PPP2R1A: variants seen among roughly 807,000 people sequenced by gnomAD.
PPP2R1A encodes protein phosphatase 2 scaffold subunit Aalpha.
PPP2R1A carries 15 observed loss-of-function variants against 67.1 expected under a neutral mutation model. The observed-to-expected ratio is 0.22, with a 90% CI of 0.15 to 0.34. The LOEUF is 0.34. Among genes scored for constraint, PPP2R1A ranks in the 10% least tolerant of loss-of-function variants. The pLI, the probability that PPP2R1A is intolerant of heterozygous loss-of-function variation, is 1.00. For missense variants in PPP2R1A, 369 were observed against 775.0 expected (o/e 0.48, Z 6.22); for synonymous variants, 337 against 325.0 (o/e 1.04, Z -0.40).
At chr19:52,223,166 G>C (rs1315056906) in intron 13 of PPP2R1A, among the ~76,000 whole-genome samples, 1 of 152,174 alleles carries the variant, frequency 6.6e-6, no homozygotes, top group Non-Finnish European at 1.5e-5. Flanking sequence ...GTTCAGTGGA[G>C]AAATGTATGT....
chr19:52,205,941 G>A (rs779784027), intron 2 of PPP2R1A, 22 bp from the exon 3 acceptor site: 16 of 1,598,178 alleles, frequency 1.0e-5, no homozygotes, highest in East Asian at 6.7e-5. Flanking sequence ...GGATAGTCAC[G>A]AAGTCTGTCT....
intron 13 of PPP2R1A, among the ~76,000 whole-genome samples, chr19:52,224,520 C>T (rs902522461): frequency 6.6e-6 from 1 of 152,186 alleles, no homozygotes; most frequent in Non-Finnish European, 1.5e-5. Flanking sequence ...CATTGTAGGC[C>T]TCAGTGAATA....
At position 52,212,408 on chromosome 19, in the gene PPP2R1A, G is replaced by A; in HGVS notation, c.504-278G>A. ...CTCGTTGGTTAAGCAATTTTTATGGGAATGATGTAATCGTCAGCACTTAGC... is the reference window on the plus strand; with the variant it reads ...CTCGTTGGTTAAGCAATTTTTATGGAAATGATGTAATCGTCAGCACTTAGC... On this transcript the variant is annotated intron_variant, in intron 4 of 14. Coordinates refer to ENST00000322088, the MANE Select transcript of PPP2R1A (RefSeq NM_014225.6). This position sits in a 1 kb window ranked among gnomAD's most constrained non-coding sequence, Gnocchi z 4.1. 1 of 443,262 alleles carries A rather than the reference G, an allele frequency of 2.3e-6. No homozygotes were observed. Among genetic ancestry groups the A allele is most frequent in the Non-Finnish European group, 4.1e-6 (1 of 246,770 alleles). 27.5% of individuals were successfully genotyped at this position (443,262 alleles called of 1,614,324 possible).
chr19:52,201,868 G>A, intron 1 of PPP2R1A, 76 bp from the exon 2 acceptor site: 1 of 1,380,152 alleles, frequency 7.2e-7, no homozygotes. Flanking sequence ...GGGGCTGACT[G>A]GGTTGAGAGC....
intron 7 of PPP2R1A, 37 bp downstream of exon 7, chr19:52,215,930 G>C: frequency 6.2e-7 from 1 of 1,611,306 alleles, no homozygotes; most frequent in Non-Finnish European, 8.5e-7. Flanking sequence ...AAGTGGGGTG[G>C]GTATCCAAGG....
intron 1 of PPP2R1A, 105 bp downstream of exon 1, chr19:52,190,279 G>T (rs905512627): frequency 3.8e-6 from 5 of 1,315,710 alleles, no homozygotes; most frequent in Non-Finnish European, 5.3e-6. Context: ...GCGGAAGGGG[G>T]CGACGGCCAA....
At position 52,222,389 on chromosome 19, in the gene PPP2R1A, T is replaced by C. The variant is rs1429742689; in HGVS notation, c.1661+148T>C. ...TTGGCTCCCTTCCCTTCTCAAGGTG[T>C]GTTTTCTCAACTGTAAAATGAACAT... On this transcript the variant is annotated intron_variant, in intron 13 of 14. Coordinates refer to ENST00000322088, the MANE Select transcript of PPP2R1A (RefSeq NM_014225.6). 10 of 1,216,622 alleles carry C rather than the reference T, an allele frequency of 8.2e-6. No individual in the cohort carries two copies. In the East Asian group the frequency reaches 2.7e-4, roughly 33 times the overall value. The allele number at this position is 1,216,622 out of a possible 1,614,324, so 75.4% of individuals were successfully genotyped here. A position where few individuals can be genotyped will look rare whatever the true frequency, so the allele number is the denominator to read the frequency against.
intron 1 of PPP2R1A, 26 bp downstream of exon 1, chr19:52,190,200 G>A (rs1411758080): frequency 1.9e-6 from 3 of 1,548,484 alleles, no homozygotes; most frequent in African/African-American, 1.4e-5. Context: ...GGGACTTGGG[G>A]AAGACGCGGA....
intron 14 of PPP2R1A, 72 bp from the exon 15 acceptor site, chr19:52,225,893 G>A: frequency 6.2e-7 from 1 of 1,613,476 alleles, no homozygotes; most frequent in Non-Finnish European, 8.5e-7. Context: ...CTTCTGGGAG[G>A]GGGAGGTACC....
intron 2 of PPP2R1A, 39 bp from the exon 3 acceptor site, chr19:52,205,924 T>G: frequency 9.7e-6 from 15 of 1,547,570 alleles, no homozygotes; most frequent in Non-Finnish European, 1.2e-5. Context: ...GGGTCAGAGT[T>G]GAGATGGGAT....
At chr19:52,217,252 G>A (rs1483122818) in intron 9 of PPP2R1A, among the ~76,000 whole-genome samples, 1 of 152,226 alleles carries the variant, frequency 6.6e-6, no homozygotes. Context: ...ACACTGCAGT[G>A]CAGTGATGTG....
At chr19:52,208,646 C>T (rs531909656) in intron 3 of PPP2R1A, among the ~76,000 whole-genome samples, 2 of 152,078 alleles carry the variant, frequency 1.3e-5, no homozygotes, top group South Asian at 2.1e-4. Context: ...ATTACAGGCA[C>T]CCATCACCAT....
At chr19:52,190,925 TC>T (rs1568583467) in intron 1 of PPP2R1A, 1 of 152,356 alleles carries the variant, frequency 6.6e-6, no homozygotes, top group East Asian at 1.9e-4. Flanking sequence ...AGTGGCGCGA[TC>T]TCGGCTCAGT....
chr19:52,222,966 C>T (rs905365195), intron 13 of PPP2R1A, among the ~76,000 whole-genome samples: 1 of 152,222 alleles, frequency 6.6e-6, no homozygotes, highest in African/African-American at 2.4e-5. Context: ...ATAATCTTAA[C>T]AGGTTCTTTA....
intron 1 of PPP2R1A, 42 bp downstream of exon 1, chr19:52,190,216 A>G (rs754433135): frequency 2.1e-4 from 316 of 1,539,648 alleles, no homozygotes; most frequent in Non-Finnish European, 2.7e-4. Context: ...GCGGAGGGGT[A>G]CCTGGGGGCA....
intron 9 of PPP2R1A, among the ~76,000 whole-genome samples, chr19:52,218,590 A>G (rs1978725796): frequency 1.3e-5 from 2 of 152,108 alleles, no homozygotes; most frequent in East Asian, 1.9e-4. Context: ...TCACATGCAC[A>G]TAGTTTTTAT....
rs758332210 is a variant in PPP2R1A, at chr19:52,221,118, G to T, written c.1503G>T (p.Thr501=). The change falls in exon 12 of 15, where the codon ACG becomes ACT. Residue 501 remains threonine, a synonymous_variant. Transcript: ENST00000322088. ...GDPNYLHRMT[T]LFCINVLSEV... Reference sequence around the variant, plus strand: ...CCAACTACCTGCACCGCATGACTACGCTCTTCTGCATCAATGTGAGCCTTC... The same window carrying T: ...CCAACTACCTGCACCGCATGACTACTCTCTTCTGCATCAATGTGAGCCTTC... The T allele has an allele frequency of 8.7e-6, 14 of 1,614,168 alleles. No individual in the cohort carries two copies. The highest frequency in any genetic ancestry group is 1.3e-5 in the African/African-American group (1 of 75,056).
intron 11 of PPP2R1A, among the ~76,000 whole-genome samples, chr19:52,220,760 G>A (rs369230469): frequency 9.2e-5 from 14 of 152,142 alleles, no homozygotes; most frequent in African/African-American, 2.9e-4. Context: ...AATGAAGCCA[G>A]TAGTGGAACC....
chr19:52,222,504 A>G (rs1978999705), intron 13 of PPP2R1A: 1 of 360,484 alleles, frequency 2.8e-6, no homozygotes, highest in Admixed American at 4.6e-5. Flanking sequence ...CTTATGTTTT[A>G]TATGTAAGTA....
Sources: allele counts gnomAD v4.1 joint callset (sites outside exome capture counted in the v4.1 genomes callset), GRCh38; gene constraint gnomAD v4.1.1; non-coding constraint Gnocchi (gnomAD v3.1); transcripts MANE v1.5; gene names NCBI Gene and HGNC (gene_info 2026-07-23, HGNC 2026-07-21).